TPH2: variants seen among roughly 807,000 people sequenced by gnomAD.
TPH2 encodes tryptophan hydroxylase 2.
In TPH2, 27 loss-of-function variants were observed where a neutral mutation model predicts 59.1. The ratio of observed to expected loss-of-function variants is 0.46; its 90% confidence interval spans 0.34 to 0.63. TPH2 has a LOEUF of 0.63. TPH2 is among the 30% of genes least tolerant of loss of function. The probability of loss-of-function intolerance (pLI) is 0.01; values close to 1 mark genes in which losing one functional copy is unlikely to be tolerated. For missense variants in TPH2, 523 were observed against 588.3 expected, an observed-to-expected ratio of 0.89 and a Z score of 1.15; for synonymous variants, 220 against 210.5, an observed-to-expected ratio of 1.05 and a Z score of -0.39.
intron 5 of TPH2, among the ~76,000 whole-genome samples, chr12:71,967,238 G>A (rs777026292): frequency 1.3e-4 from 20 of 152,308 alleles, no homozygotes; most frequent in Admixed American, 2.6e-4. Context: ...CTTCTTCTCT[G>A]CAGGCACAAG....
intron 1 of TPH2, 120 bp from the exon 2 acceptor site, chr12:71,941,464 A>G: frequency 7.8e-7 from 1 of 1,283,740 alleles, no homozygotes; most frequent in Non-Finnish European, 1.1e-6. Context: ...CTTCACCTTA[A>G]GTTTGTATGA....
At chr12:72,006,149 G>A (rs1872948057) in intron 8 of TPH2, among the ~76,000 whole-genome samples, 1 of 152,128 alleles carries the variant, frequency 6.6e-6, no homozygotes, top group Admixed American at 6.6e-5. Flanking sequence ...AATTCAGAGT[G>A]CAGGTTTTGG....
At chr12:71,950,408 G>T (rs1871313756) in intron 5 of TPH2, among the ~76,000 whole-genome samples, 1 of 152,142 alleles carries the variant, frequency 6.6e-6, no homozygotes, top group African/African-American at 2.4e-5. Flanking sequence ...ACAGTCAAAG[G>T]GGGGTTGTTC....
At chr12:71,944,509 T>A in intron 3 of TPH2, 32 bp downstream of exon 3, 1 of 1,613,892 alleles carries the variant, frequency 6.2e-7, no homozygotes, top group Non-Finnish European at 8.5e-7. Flanking sequence ...CGGGTAACTT[T>A]GCAATCTGAC....
chr12:72,026,831 A>C (rs1000026031), intron 9 of TPH2, among the ~76,000 whole-genome samples: 6 of 152,204 alleles, frequency 3.9e-5, no homozygotes, highest in African/African-American at 1.4e-4. Context: ...CTAATTTGGC[A>C]ATGGGGATAT....
intron 5 of TPH2, among the ~76,000 whole-genome samples, chr12:71,952,893 T>C (rs1871389913): frequency 6.6e-6 from 1 of 152,214 alleles, no homozygotes; most frequent in Non-Finnish European, 1.5e-5. Flanking sequence ...GTCACTTATA[T>C]TATTAGGTTT....
intron 7 of TPH2, among the ~76,000 whole-genome samples, chr12:71,987,133 A>G (rs1233190758): frequency 1.3e-5 from 2 of 152,196 alleles, no homozygotes; most frequent in African/African-American, 4.8e-5. Flanking sequence ...AGGTTCAAAG[A>G]AGTCAGGTAA....
intron 5 of TPH2, among the ~76,000 whole-genome samples, chr12:71,957,228 A>T (rs1426564342): frequency 6.6e-6 from 1 of 152,108 alleles, no homozygotes; most frequent in Non-Finnish European, 1.5e-5. Context: ...GAGATATTAA[A>T]TCTATGATAG....
chr12:72,015,850 G>A (rs1873234488), intron 8 of TPH2, among the ~76,000 whole-genome samples: 2 of 152,102 alleles, frequency 1.3e-5, no homozygotes, highest in African/African-American at 2.4e-5. Flanking sequence ...GGGTGCGGGG[G>A]ATGAAACCTA....
intron 4 of TPH2, among the ~76,000 whole-genome samples, chr12:71,946,271 G>A (rs921461893): frequency 3.9e-5 from 6 of 152,070 alleles, no homozygotes; most frequent in Admixed American, 1.3e-4. Flanking sequence ...TAAATCATCC[G>A]GATCAATGCC....
chr12:71,949,649 A>T lies in TPH2; in HGVS notation c.602A>T (p.Tyr201Phe). Residue 201 changes from tyrosine (Y) to phenylalanine (F), a missense_variant, in exon 5 of 11, where the codon TAT (tyrosine) becomes TTT (phenylalanine). Transcript: ENST00000333850. ...RKYFVDVAMG[Y>F]KYGQPIPRVE... is the part of the protein sequence containing the mutation. ...TATTTTGTGGATGTGGCCATGGGTTATAAATAGTAAGTACCTGTATAACTC... is the reference window on the plus strand; with the variant it reads ...TATTTTGTGGATGTGGCCATGGGTTTTAAATAGTAAGTACCTGTATAACTC... The T allele has an allele frequency of 6.2e-7, 1 of 1,612,398 alleles. No individual in the cohort carries two copies. Among genetic ancestry groups the T allele is most frequent in the Non-Finnish European group, 8.5e-7 (1 of 1,178,574 alleles).
chr12:71,971,709 A>G (rs1019310407), intron 5 of TPH2, among the ~76,000 whole-genome samples: 1 of 152,196 alleles, frequency 6.6e-6, no homozygotes, highest in African/African-American at 2.4e-5. Context: ...CGGTGTCTCA[A>G]TATTCTAAAC....
chr12:71,971,929 G>A (rs1286160029), intron 5 of TPH2, among the ~76,000 whole-genome samples: 2 of 152,098 alleles, frequency 1.3e-5, no homozygotes, highest in Non-Finnish European at 2.9e-5. Flanking sequence ...TAAATTGAGG[G>A]GGCTTAATGT....
chr12:71,961,997 G>A, intron 5 of TPH2: 3 of 1,032,266 alleles, frequency 2.9e-6, no homozygotes, highest in Non-Finnish European at 3.5e-6. Flanking sequence ...GAAAATTCAT[G>A]TGTGCAAAAC....
chr12:72,018,101 A>G (rs538787559), intron 8 of TPH2, among the ~76,000 whole-genome samples: 2 of 152,348 alleles, frequency 1.3e-5, no homozygotes. Flanking sequence ...AAAAGGTCTA[A>G]TTCTCTAAAC....
At chr12:71,950,613 G>T (rs894340587) in intron 5 of TPH2, among the ~76,000 whole-genome samples, 1 of 152,134 alleles carries the variant, frequency 6.6e-6, no homozygotes, top group African/African-American at 2.4e-5. Context: ...TCATCACAAT[G>T]CTCTCTTTCC....
intron 5 of TPH2, chr12:71,964,832 C>A: frequency 1.5e-6 from 1 of 677,978 alleles, no homozygotes; most frequent in Non-Finnish European, 1.8e-6. Context: ...AGGTTTGTTA[C>A]ATAGGTAAAC....
rs1051928486 is a variant in TPH2 at position 71,950,967 on chromosome 12, C to T, written c.608+1312C>T. On this transcript the variant is annotated intron_variant, in intron 5 of 10. Coordinates refer to ENST00000333850, the MANE Select transcript of TPH2 (RefSeq NM_173353.4). Reference sequence around the variant, plus strand: ...CCAGGCATCCTTCGTCCTTTCTCCACGACATTTAGGAAAACAATGTTCTTA... The same window carrying T: ...CCAGGCATCCTTCGTCCTTTCTCCATGACATTTAGGAAAACAATGTTCTTA... Among the ~76,000 whole-genome samples, 25 of 152,252 alleles carry T rather than the reference C, an allele frequency of 1.6e-4. No individual in the cohort carries two copies. The East Asian group carries it at 1.9e-3, about 12-fold the overall frequency.
In TPH2 at chr12:71,994,480, C is replaced by G. The variant is rs2887147; in HGVS notation, c.983C>G (p.Ala328Gly). 1 of 1,613,936 alleles carries G rather than the reference C, an allele frequency of 6.2e-7. No individual in the cohort carries two copies. The highest frequency in any genetic ancestry group is 8.5e-7 in the Non-Finnish European group (1 of 1,179,848). ...CTCTTGGGACATGTTCCACTACTTG[C>G]GGATCCTAAGTTTGCTCAGTTTTCA... is the stretch of plus-strand genomic sequence containing the variant. ...HELLGHVPLL[A>G]DPKFAQFSQE... Residue 328 changes from alanine (A) to glycine (G), a missense_variant, in exon 8 of 11, where the codon GCG becomes GGG. Physicochemically the swap from Ala to Gly is moderately conservative, Grantham distance 60. Coordinates refer to ENST00000333850, the MANE Select transcript of TPH2 (RefSeq NM_173353.4).
Sources: gnomAD v4.1 joint callset for allele counts (sites outside exome capture counted in the v4.1 genomes callset) on GRCh38, gnomAD v4.1.1 for gene constraint, MANE v1.5 for transcripts, NCBI Gene and HGNC (gene_info 2026-07-23, HGNC 2026-07-21) for gene names.